The following KLHL5 variants were observed in gnomAD, a reference collection of about 807,000 sequenced individuals.
KLHL5 encodes kelch-like protein 5.
KLHL5 carries 48 observed loss-of-function variants against 77.7 expected under a neutral mutation model. The ratio of observed to expected loss-of-function variants is 0.62; its 90% confidence interval spans 0.49 to 0.79. The LOEUF (loss-of-function observed/expected upper bound fraction) is 0.79, where lower values mean the gene tolerates loss of function less well. KLHL5 is among the 30% of genes least tolerant of loss of function. The pLI, the probability that KLHL5 is intolerant of heterozygous loss-of-function variation, is 0.00. For missense variants in KLHL5, 723 were observed against 859.7 expected (o/e 0.84, Z 1.99); for synonymous variants, 260 against 297.0 (o/e 0.88, Z 1.28).
At chr4:39,092,204 G>A (rs888695047) in intron 5 of KLHL5, among the ~76,000 whole-genome samples, 3 of 152,030 alleles carry the variant, frequency 2.0e-5, no homozygotes, top group Non-Finnish European at 2.9e-5. Flanking sequence ...CACCAAAAAT[G>A]CAGAGTTCAT....
intron 8 of KLHL5, among the ~76,000 whole-genome samples, chr4:39,108,356 A>G (rs1482831457): frequency 6.6e-6 from 1 of 152,122 alleles, no homozygotes; most frequent in Admixed American, 6.6e-5. Flanking sequence ...TGTTAAAGAA[A>G]GTTATTTGTG....
intron 1 of KLHL5, among the ~76,000 whole-genome samples, chr4:39,070,290 G>A (rs946971742): frequency 2.6e-5 from 4 of 152,162 alleles, no homozygotes; most frequent in Admixed American, 2.6e-4. Flanking sequence ...ATTACCGTAA[G>A]AAGGAATGCT....
At chr4:39,132,623 AGAAAG>A in the KLHL5 span, among the ~76,000 whole-genome samples, 46 of 152,072 alleles carry the variant, frequency 3.0e-4, no homozygotes, top group African/African-American at 9.6e-4. Flanking sequence ...AAAAAAAAAA[AGAAAG>A]GAAAAGAAAA....
At chr4:39,092,741 T>C (rs1007452721) in intron 5 of KLHL5, among the ~76,000 whole-genome samples, 20 of 152,196 alleles carry the variant, frequency 1.3e-4, no homozygotes, top group African/African-American at 4.6e-4. Flanking sequence ...TAGAGACTGT[T>C]TCTCTCTTCG....
At chr4:39,138,570 T>C in the KLHL5 span, among the ~76,000 whole-genome samples, 1 of 151,820 alleles carries the variant, frequency 6.6e-6, no homozygotes, top group Non-Finnish European at 1.5e-5. Context: ...CATGGACACA[T>C]AGAGGGGAAC....
chr4:39,104,770 CT>C (rs879766636), intron 7 of KLHL5, among the ~76,000 whole-genome samples: 203 of 146,238 alleles, frequency 1.4e-3, no homozygotes, highest in Middle Eastern at 3.5e-3. Flanking sequence ...AAGAAATAAA[CT>C]TTTTTTTTTT....
intron 10 of KLHL5, among the ~76,000 whole-genome samples, chr4:39,119,097 T>G (rs972693364): frequency 2.0e-5 from 3 of 152,076 alleles, no homozygotes; most frequent in Admixed American, 2.0e-4. Context: ...AAGCCCTAAG[T>G]CCAGTTATAT....
chr4:39,055,248 A>T (rs1475436738), intron 1 of KLHL5, among the ~76,000 whole-genome samples: 1 of 152,238 alleles, frequency 6.6e-6, no homozygotes, highest in East Asian at 1.9e-4. Flanking sequence ...AGGCAAACTA[A>T]TGCACACTGG....
intron 1 of KLHL5, among the ~76,000 whole-genome samples, chr4:39,053,421 C>A (rs1045159606): frequency 2.6e-5 from 4 of 152,154 alleles, no homozygotes; most frequent in Admixed American, 6.6e-5. Flanking sequence ...GACAGAAACA[C>A]TTCTGGATTT....
intron 8 of KLHL5, 196 bp from the exon 9 acceptor site, chr4:39,112,824 T>G: frequency 1.8e-6 from 1 of 555,034 alleles, no homozygotes; most frequent in Non-Finnish European, 3.2e-6. Flanking sequence ...CCTTTTCATG[T>G]ATATACAGAG....
chr4:39,076,077 A>T lies in KLHL5; in HGVS notation c.496A>T (p.Asn166Tyr). 6 of 1,608,360 alleles carry T rather than the reference A, an allele frequency of 3.7e-6. No homozygotes were observed. Among genetic ancestry groups the T allele is most frequent in the Non-Finnish European group, 5.1e-6 (6 of 1,178,586 alleles). ...HAEQTFKKME[N>Y]YLRHKQLCDV... ...CGAGCAAACATTTAAAAAAATGGAA[A>T]ACTATTTGAGACATAAACAGTTGTG... Residue 166 changes from asparagine (N) to tyrosine (Y), a missense_variant, in exon 2 of 11, where the codon AAC becomes TAC. This residue lies in a region of KLHL5 where 221 missense variants were observed against 222.1 expected (regional missense o/e 1.00). Coordinates refer to ENST00000504108, the MANE Select transcript of KLHL5 (RefSeq NM_015990.5).
At chr4:39,112,845 T>C (rs1722548069) in intron 8 of KLHL5, 175 bp from the exon 9 acceptor site, 1 of 600,410 alleles carries the variant, frequency 1.7e-6, no homozygotes, top group African/African-American at 1.9e-5. Flanking sequence ...TGATATATGA[T>C]ACTTACATGT....
At chr4:39,103,245 G>A (rs1419055342) in intron 6 of KLHL5, 42 bp from the exon 7 acceptor site, 1 of 1,345,956 alleles carries the variant, frequency 7.4e-7, no homozygotes, top group African/African-American at 1.5e-5. Flanking sequence ...ACCAATCATG[G>A]TATAATTTCT....
rs551586284 is a variant in KLHL5 at position 39,126,011 on chromosome 4, T to C, written c.*4945T>C. Among the ~76,000 whole-genome samples the C allele has an allele frequency of 6.6e-6, 1 of 152,318 alleles. No homozygotes were observed. The highest frequency in any genetic ancestry group is 2.1e-4 in the South Asian group (1 of 4,828). On this transcript the variant is annotated 3_prime_UTR_variant, in exon 11 of 11. Transcript: ENST00000504108. Reference sequence around the variant, plus strand: ...TCTAAAAATCTAACAGAAAGGCTCTTAAATCTTAATTTCAACCTAAGAAGG... The same window carrying C: ...TCTAAAAATCTAACAGAAAGGCTCTCAAATCTTAATTTCAACCTAAGAAGG...
At chr4:39,077,969 A>G (rs73132935) in intron 2 of KLHL5, among the ~76,000 whole-genome samples, 4,332 of 152,308 alleles carry the variant, frequency 0.028, 179 homozygotes, top group African/African-American at 0.098. Context: ...AAATAATGGG[A>G]TTCTCAGCAA....
rs765362453 is a variant in KLHL5 at position 39,103,296 on chromosome 4, G to T, written c.1310G>T (p.Ser437Ile). 6 of 1,611,742 alleles carry T rather than the reference G, an allele frequency of 3.7e-6. No homozygotes were observed. The highest frequency in any genetic ancestry group is 1.7e-5 in the Admixed American group (1 of 59,794). The change falls in exon 7 of 11, where the codon AGC (serine) becomes ATC (isoleucine). Residue 437 changes from serine to isoleucine, a missense_variant. Physicochemically the swap from Ser to Ile is moderately radical, Grantham distance 142 (BLOSUM62 -2). Coordinates refer to ENST00000504108, the MANE Select transcript of KLHL5 (RefSeq NM_015990.5). Reference protein sequence around the residue: ...GGMDSTKGATSIEKYDLRTNM... With the variant: ...GGMDSTKGATIIEKYDLRTNM... ...ATATATTACTATGAAGGAGCAACAA[G>T]CATTGAAAAGTATGATCTCCGTACA...
At chr4:39,131,017 A>ATTT (rs11464461), downstream of KLHL5, among the ~76,000 whole-genome samples, 8 of 133,948 alleles carry the variant, frequency 6.0e-5, no homozygotes, top group Non-Finnish European at 7.9e-5. Context: ...AAATTTTTGT[A>ATTT]TTTTTTTTTT....
Position 39,118,053 on chromosome 4 carries a change from T to C in KLHL5, c.2073+2723T>C, listed in dbSNP as rs1490818452. The stretch of plus-strand genomic sequence containing the variant: ...TCTAGCCTGGGTGACAGAGCGAGAC[T>C]CCATCTAAAAAAAAAAAAAAAAAGT... On this transcript the variant is annotated intron_variant, in intron 10 of 10. Coordinates refer to ENST00000504108, the MANE Select transcript of KLHL5 (RefSeq NM_015990.5). Among the ~76,000 whole-genome samples the C allele has an allele frequency of 3.3e-5, 4 of 120,536 alleles. No homozygotes were observed. The East Asian group carries it at 9.1e-4, about 27-fold the overall frequency. 79.1% of individuals were successfully genotyped at this position (120,536 alleles called of 152,430 possible).
chr4:39,142,983 T>G, the KLHL5 span, among the ~76,000 whole-genome samples: 1 of 151,992 alleles, frequency 6.6e-6, no homozygotes, highest in South Asian at 2.1e-4. Flanking sequence ...TATAGTCTCT[T>G]GATTGTGGTG....
Sources: gnomAD v4.1 joint callset for allele counts (sites outside exome capture counted in the v4.1 genomes callset) on GRCh38, gnomAD v4.1.1 for gene constraint, gnomAD v4.1.1 regional missense constraint, MANE v1.5 for transcripts, NCBI Gene and HGNC (gene_info 2026-07-23, HGNC 2026-07-21) for gene names.